The following SLCO3A1 variants were observed in gnomAD, a reference collection of about 807,000 sequenced individuals.
SLCO3A1 encodes PGE1 transporter.
Under a neutral mutation model 63.1 loss-of-function variants are expected in SLCO3A1, and 27 were observed. The observed-to-expected ratio is 0.43, with a 90% confidence interval of 0.32 to 0.59. SLCO3A1 has a LOEUF of 0.59. Among genes scored for constraint, SLCO3A1 ranks in the 20% least tolerant of loss-of-function variants. The pLI, the probability that SLCO3A1 is intolerant of heterozygous loss-of-function variation, is 0.09. For missense variants in SLCO3A1, 773 were observed against 945.8 expected (o/e 0.82, Z 2.40); for synonymous variants, 473 against 409.9 (o/e 1.15, Z -1.86).
chr15:91,969,310 A>AT (rs35619974), intron 2 of SLCO3A1, among the ~76,000 whole-genome samples: 43,198 of 146,316 alleles, frequency 0.3, 7,057 homozygotes, highest in Non-Finnish European at 0.38. Context: ...TATATATATA[A>AT]TTTTTTTTTT....
chr15:91,940,514 C>T lies in SLCO3A1; in HGVS notation c.646+24056C>T, dbSNP rs143841802. On this transcript the variant is annotated intron_variant, in intron 2 of 9. Transcript: ENST00000318445. The stretch of plus-strand genomic sequence containing the variant: ...CCTTTCTGTGCTTACAGAAATGAAT[C>T]AGTTGGCATAGTGAATTTCAAATCA... 1.3e-4 allele frequency among the ~76,000 whole-genome samples: 20 copies of T among 152,328 alleles called. No homozygotes were observed. In the East Asian group the frequency reaches 3.5e-3, roughly 27 times the overall value.
Position 91,967,179 on chromosome 15 carries a change from T to A in SLCO3A1, c.646+50721T>A, listed in dbSNP as rs566932291. ...TATCCTTTCTAAAAAAACAAAAAGATTATTAGATGGTAGGAAACTATGTCT... is the reference window on the plus strand; with the variant it reads ...TATCCTTTCTAAAAAAACAAAAAGAATATTAGATGGTAGGAAACTATGTCT... On this transcript the variant is annotated intron_variant, in intron 2 of 9. Transcript: ENST00000318445. The surrounding 1 kb of genome is among the most constrained non-coding windows in gnomAD (Gnocchi z 4.4). Among the ~76,000 whole-genome samples the A allele has an allele frequency of 3.3e-5, 5 of 152,334 alleles. No individual in the cohort carries two copies. The East Asian group carries it at 9.6e-4, about 29-fold the overall frequency.
chr15:92,047,954 C>G (rs2046910273), intron 2 of SLCO3A1, among the ~76,000 whole-genome samples: 1 of 151,874 alleles, frequency 6.6e-6, no homozygotes, highest in African/African-American at 2.4e-5. Context: ...ATCTCGAGAG[C>G]TGAGGTTGGG....
intron 2 of SLCO3A1, among the ~76,000 whole-genome samples, chr15:92,001,435 C>G (rs2151453576): frequency 6.6e-6 from 1 of 152,320 alleles, no homozygotes; most frequent in African/African-American, 2.4e-5. Flanking sequence ...CCTCCTTGTT[C>G]AGACTGGTCT....
chr15:92,170,590 G>A (rs764444367), downstream of SLCO3A1, among the ~76,000 whole-genome samples: 1 of 152,156 alleles, frequency 6.6e-6, no homozygotes, highest in Non-Finnish European at 1.5e-5. Context: ...GTTAGAACAC[G>A]GAACTAGCTT....
intron 1 of SLCO3A1, among the ~76,000 whole-genome samples, chr15:91,879,322 C>T (rs1897491926): frequency 1.3e-5 from 2 of 151,174 alleles, no homozygotes; most frequent in African/African-American, 2.4e-5. Flanking sequence ...TTTTTAAAGC[C>T]ACCATCTGCA....
chr15:92,020,808 A>G (rs2046499470), intron 2 of SLCO3A1, among the ~76,000 whole-genome samples: 1 of 152,262 alleles, frequency 6.6e-6, no homozygotes, highest in Non-Finnish European at 1.5e-5. Context: ...TCCAGAAGGT[A>G]GTATAGTGCA....
intron 2 of SLCO3A1, among the ~76,000 whole-genome samples, chr15:92,089,819 G>A (rs1197994644): frequency 1.3e-5 from 2 of 152,168 alleles, no homozygotes; most frequent in African/African-American, 4.8e-5. Context: ...GTCATGGGCA[G>A]AAACTCTTCA....
chr15:91,988,299 C>G (rs935612407), intron 2 of SLCO3A1, among the ~76,000 whole-genome samples: 1 of 152,060 alleles, frequency 6.6e-6, no homozygotes, highest in African/African-American at 2.4e-5. Context: ...CGTGATTGCA[C>G]CACTGCACTC....
intron 2 of SLCO3A1, among the ~76,000 whole-genome samples, chr15:92,056,733 T>A (rs982668251): frequency 6.6e-6 from 1 of 152,156 alleles, no homozygotes; most frequent in Non-Finnish European, 1.5e-5. Flanking sequence ...AAAAGGCACC[T>A]CTTATCACTG....
intron 2 of SLCO3A1, among the ~76,000 whole-genome samples, chr15:92,048,069 G>C (rs1314205901): frequency 6.6e-6 from 1 of 152,090 alleles, no homozygotes; most frequent in Non-Finnish European, 1.5e-5. Context: ...CTGCCACCTT[G>C]TTAGCTTTTG....
At chr15:91,938,358 G>A (rs1160754556) in intron 2 of SLCO3A1, among the ~76,000 whole-genome samples, 2 of 152,140 alleles carry the variant, frequency 1.3e-5, no homozygotes, top group East Asian at 1.9e-4. Flanking sequence ...TTGGCAACCC[G>A]TTTAGTTAAA....
At chr15:92,087,404 C>G (rs1468748880) in intron 2 of SLCO3A1, among the ~76,000 whole-genome samples, 1 of 152,120 alleles carries the variant, frequency 6.6e-6, no homozygotes, top group Non-Finnish European at 1.5e-5. Flanking sequence ...AGTTGTGCTT[C>G]TTCAAACATG....
intron 2 of SLCO3A1, among the ~76,000 whole-genome samples, chr15:92,012,632 C>T (rs1271247250): frequency 6.6e-6 from 1 of 151,710 alleles, no homozygotes; most frequent in Admixed American, 6.6e-5. Context: ...TGTGAGAGCA[C>T]TGGCTCACAC....
At chr15:92,000,407 A>ATTTTTT (rs1360047679) in intron 2 of SLCO3A1, among the ~76,000 whole-genome samples, 139 of 151,948 alleles carry the variant, frequency 9.1e-4, no homozygotes, top group African/African-American at 3.2e-3. Context: ...TTTTTTTAAA[A>ATTTTTT]AAAAAAAAAG....
At chr15:92,038,323 A>G (rs1479550439) in intron 2 of SLCO3A1, among the ~76,000 whole-genome samples, 1 of 152,226 alleles carries the variant, frequency 6.6e-6, no homozygotes, top group African/African-American at 2.4e-5. Flanking sequence ...TGCCTTCTAT[A>G]AACATAAAAA....
intron 2 of SLCO3A1, among the ~76,000 whole-genome samples, chr15:92,059,414 C>A (rs1301871467): frequency 1.3e-5 from 2 of 152,190 alleles, no homozygotes; most frequent in African/African-American, 4.8e-5. Context: ...AGCATGGGTC[C>A]ATCCTCAGGA....
intron 2 of SLCO3A1, among the ~76,000 whole-genome samples, chr15:92,064,459 G>A (rs1461033625): frequency 6.6e-6 from 1 of 152,028 alleles, no homozygotes; most frequent in Non-Finnish European, 1.5e-5. Context: ...AATCCCATTT[G>A]TTACTTTGTA....
chr15:91,959,699 G>C (rs1900366906), intron 2 of SLCO3A1, among the ~76,000 whole-genome samples: 1 of 141,156 alleles, frequency 7.1e-6, no homozygotes, highest in African/African-American at 2.6e-5. Context: ...ACTCCAGCCT[G>C]GGCAACAGAG....
Sources: gnomAD v4.1 joint callset for allele counts (sites outside exome capture counted in the v4.1 genomes callset) on GRCh38, gnomAD v4.1.1 for gene constraint, Gnocchi (gnomAD v3.1) non-coding constraint, MANE v1.5 for transcripts, NCBI Gene and HGNC (gene_info 2026-07-23, HGNC 2026-07-21) for gene names.